Variants in DMXL1 observed in about 807,000 individuals in gnomAD.
The protein encoded by DMXL1 is dmX-like protein 1.
DMXL1 carries 99 observed loss-of-function variants against 319.2 expected under a neutral mutation model. The observed-to-expected ratio is 0.31, with a 90% CI of 0.26 to 0.37. The LOEUF is 0.37. Ranked by LOEUF, DMXL1 falls within the 10% of genes least tolerant of loss-of-function variation. The pLI, the probability that DMXL1 is intolerant of heterozygous loss-of-function variation, is 1.00. For missense variants in DMXL1, 3,745 were observed against 3,595.6 expected, an observed-to-expected ratio of 1.04 and a Z score of -1.06; for synonymous variants, 1,385 against 1,235.2, an observed-to-expected ratio of 1.12 and a Z score of -2.54.
intron 34 of DMXL1, among the ~76,000 whole-genome samples, chr5:119,211,733 A>G (rs1012209130): frequency 1.3e-5 from 2 of 152,194 alleles, no homozygotes; most frequent in Admixed American, 1.3e-4. Context: ...TAGAGTGGCA[A>G]TGAAGTGTTC....
In DMXL1 at chr5:119,135,384, A is replaced by G. The variant is rs145076378; in HGVS notation, c.2376+995A>G. On this transcript the variant is annotated intron_variant, in intron 13 of 43. Transcript: ENST00000539542. ...GCCAAGTAAGTTGCTGGTCAGGGAA[A>G]ATTTCACAGAAAAAGTACTATTTGA... Among the ~76,000 whole-genome samples, 369 of 152,276 alleles carry G rather than the reference A, an allele frequency of 2.4e-3. 3 individuals are homozygous for G. The highest frequency in any genetic ancestry group is 8.7e-3 in the African/African-American group (361 of 41,544).
At chr5:119,160,002 T>TC (rs1027045707) in intron 19 of DMXL1, among the ~76,000 whole-genome samples, 24 of 152,304 alleles carry the variant, frequency 1.6e-4, no homozygotes, top group African/African-American at 5.5e-4. Flanking sequence ...CAGGTTTTTT[T>TC]CCCCTGTCAT....
intron 31 of DMXL1, among the ~76,000 whole-genome samples, chr5:119,196,938 A>C (rs954120915): frequency 6.6e-6 from 1 of 152,216 alleles, no homozygotes; most frequent in South Asian, 2.1e-4. Flanking sequence ...AATGATGGAC[A>C]GAGGAGTTTA....
At chr5:119,123,497 A>T (rs1762779264) in intron 9 of DMXL1, among the ~76,000 whole-genome samples, 1 of 151,206 alleles carries the variant, frequency 6.6e-6, no homozygotes, top group Non-Finnish European at 1.5e-5. Context: ...TTTTCATTGT[A>T]GCAAGCTCAC....
At chr5:119,126,565 G>A (rs1763622078) in intron 9 of DMXL1, among the ~76,000 whole-genome samples, 1 of 152,136 alleles carries the variant, frequency 6.6e-6, no homozygotes, top group Non-Finnish European at 1.5e-5. Flanking sequence ...TACTTTCTAA[G>A]TGCCCAACAC....
chr5:119,219,707 G>A (rs1156939727), intron 35 of DMXL1, among the ~76,000 whole-genome samples: 2 of 151,878 alleles, frequency 1.3e-5, no homozygotes, highest in Non-Finnish European at 1.5e-5. Context: ...AGCTGGGACT[G>A]CAGGTGCATG....
chr5:119,206,872 G>C lies in DMXL1; in HGVS notation c.7902G>C (p.Met2634Ile). ...ACAGTGAAACCATCAAAAATTCTAT[G>C]ATGGAGGAGCCAAACATCAATAAGG... ...EDNSETIKNS[M>I]MEEPNINKIE... is the part of the protein sequence containing the mutation. Residue 2634 changes from methionine to isoleucine, a missense_variant, in exon 34 of 44, where the codon ATG becomes ATC. Transcript: ENST00000539542. 6.5e-7 allele frequency: 1 copy of C among 1,528,760 alleles called. No individual in the cohort carries two copies. Among genetic ancestry groups the C allele is most frequent in the Middle Eastern group, 1.7e-4 (1 of 5,830 alleles). 94.7% of individuals were successfully genotyped at this position (1,528,760 alleles called of 1,614,324 possible).
chr5:119,225,451 T>C (rs1008751771), intron 38 of DMXL1, among the ~76,000 whole-genome samples: 1 of 151,944 alleles, frequency 6.6e-6, no homozygotes, highest in Non-Finnish European at 1.5e-5. Context: ...TTCCAAGTTT[T>C]TTAATATTTT....
chr5:119,071,738 C>CA (rs1749618814), intron 1 of DMXL1, 82 bp downstream of exon 1: 1 of 1,337,908 alleles, frequency 7.5e-7, no homozygotes, highest in Non-Finnish European at 1.0e-6. Flanking sequence ...GAACGACGGG[C>CA]AGAGGCGCGA....
intron 10 of DMXL1, 114 bp from the exon 11 acceptor site, chr5:119,133,018 C>T: frequency 1.7e-6 from 2 of 1,154,232 alleles, no homozygotes; most frequent in Non-Finnish European, 2.4e-6. Context: ...AGCTTCCATG[C>T]TCTCCTTAGG....
At chr5:119,233,760 C>G (rs79521079) in intron 39 of DMXL1, among the ~76,000 whole-genome samples, 1 of 152,108 alleles carries the variant, frequency 6.6e-6, no homozygotes, top group Non-Finnish European at 1.5e-5. Flanking sequence ...CTTTATCCCT[C>G]GGAACCTACT....
intron 1 of DMXL1, among the ~76,000 whole-genome samples, chr5:119,078,931 G>C (rs1477470383): frequency 6.6e-6 from 1 of 152,082 alleles, no homozygotes. Flanking sequence ...AGTCTTTGTT[G>C]CCAGTATCCT....
intron 13 of DMXL1, among the ~76,000 whole-genome samples, chr5:119,140,025 G>T (rs932235187): frequency 2.0e-5 from 3 of 152,068 alleles, no homozygotes; most frequent in Non-Finnish European, 4.4e-5. Context: ...ATGACTTTTG[G>T]GTAAATAGTG....
chr5:119,236,734 T>A (rs1787825844), intron 39 of DMXL1: 1 of 151,988 alleles, frequency 6.6e-6, no homozygotes, highest in Admixed American at 6.6e-5. Context: ...TACTTTATAA[T>A]AAGCTGCGTT....
chr5:119,239,089 T>G lies in DMXL1; in HGVS notation c.8651+9T>G. ...CTTTCAACTGACAATAGGTAAGAGA[T>G]GATAGCTAAAATTGAAGTATGAGAA... On this transcript the variant is annotated intron_variant, in intron 41 of 43. Transcript: ENST00000539542. The G allele has an allele frequency of 6.2e-7, 1 of 1,613,300 alleles. No individual in the cohort carries two copies. Among genetic ancestry groups the G allele is most frequent in the Non-Finnish European group, 8.5e-7 (1 of 1,179,754 alleles).
intron 19 of DMXL1, among the ~76,000 whole-genome samples, chr5:119,162,723 T>C (rs1475921568): frequency 1.3e-5 from 2 of 152,248 alleles, no homozygotes; most frequent in Non-Finnish European, 2.9e-5. Flanking sequence ...GCCATCTTAC[T>C]GATGTCTAAA....
At chr5:119,173,576 T>C (rs1466761712) in intron 25 of DMXL1, among the ~76,000 whole-genome samples, 5 of 151,092 alleles carry the variant, frequency 3.3e-5, no homozygotes, top group Non-Finnish European at 7.4e-5. Context: ...TTGACAGCAC[T>C]GACAGGAGAA....
In DMXL1 at chr5:119,220,579, A is replaced by C; in HGVS notation, c.8121A>C (p.Glu2707Asp). The change falls in exon 36 of 44, where the codon GAA (glutamate) becomes GAC (aspartate). Residue 2707 changes from glutamate (E) to aspartate (D), a missense_variant. Transcript: ENST00000539542. ...QVYTWVDDDI[E>D]VETKGSEDFL... The stretch of plus-strand genomic sequence containing the variant: ...ACACTTGGGTAGATGATGATATAGA[A>C]GTGGAAACCAAAGGGTACCTTCATA... The C allele has an allele frequency of 1.9e-6, 3 of 1,613,310 alleles. No homozygotes were observed. Among genetic ancestry groups the C allele is most frequent in the Non-Finnish European group, 2.5e-6 (3 of 1,179,752 alleles).
At chr5:119,071,992 T>A (rs2149641056) in intron 1 of DMXL1, among the ~76,000 whole-genome samples, 1 of 152,266 alleles carries the variant, frequency 6.6e-6, no homozygotes. Context: ...TACCATTCTA[T>A]AGGTTCAAAT....
Sources: allele counts gnomAD v4.1 joint callset (sites outside exome capture counted in the v4.1 genomes callset), GRCh38; gene constraint gnomAD v4.1.1; transcripts MANE v1.5; gene names NCBI Gene and HGNC (gene_info 2026-07-23, HGNC 2026-07-21).